NOL4: variants seen among roughly 807,000 people sequenced by gnomAD.
NOL4 encodes the protein cancer/testis antigen 125.
In NOL4, 17 loss-of-function variants were observed where a neutral mutation model predicts 75.9. The observed-to-expected ratio is 0.22, with a 90% CI of 0.15 to 0.34. NOL4 has a LOEUF of 0.34. Ranked by LOEUF, NOL4 falls within the 10% of genes least tolerant of loss-of-function variation. The pLI, the probability that NOL4 is intolerant of heterozygous loss-of-function variation, is 1.00. For missense variants in NOL4, 614 were observed against 793.5 expected, an observed-to-expected ratio of 0.77 and a Z score of 2.72; for synonymous variants, 292 against 289.9, an observed-to-expected ratio of 1.01 and a Z score of -0.07.
chr18:34,179,514 TG>T (rs1166944739), intron 1 of NOL4, among the ~76,000 whole-genome samples: 1 of 151,018 alleles, frequency 6.6e-6, no homozygotes, highest in Admixed American at 6.6e-5. Flanking sequence ...ACTAAAAGAA[TG>T]AAAAAAAAGT....
chr18:33,962,326 C>A (rs993304789), intron 6 of NOL4, among the ~76,000 whole-genome samples: 1 of 152,166 alleles, frequency 6.6e-6, no homozygotes, highest in Non-Finnish European at 1.5e-5. Flanking sequence ...GCCAGATTAA[C>A]AATATAGATT....
At chr18:34,177,088 T>C (rs1416596662) in intron 1 of NOL4, among the ~76,000 whole-genome samples, 1 of 151,988 alleles carries the variant, frequency 6.6e-6, no homozygotes, top group Non-Finnish European at 1.5e-5. Context: ...ATGTCAAACC[T>C]ACTGGCATAC....
chr18:33,958,293 C>G lies in NOL4; in HGVS notation c.1182G>C (p.Ser394=), dbSNP rs770008742. 2.4e-5 allele frequency: 39 copies of G among 1,613,770 alleles called. No individual in the cohort carries two copies. The highest frequency in any genetic ancestry group is 3.3e-5 in the Non-Finnish European group (39 of 1,179,766). ...DEDDHEDHDD[S]EKVNETDGVE... ...CGCCGTCTGTCTCATTAACTTTCTC[C>G]GAATCGTCATGGTCCTCGTGGTCAT... The change falls in exon 7 of 11, where the codon TCG becomes TCC. Residue 394 remains serine (S), a synonymous_variant. Transcript: ENST00000261592.
At chr18:33,877,630 G>A (rs753430198) in intron 10 of NOL4, among the ~76,000 whole-genome samples, 1 of 151,908 alleles carries the variant, frequency 6.6e-6, no homozygotes, top group Non-Finnish European at 1.5e-5. Flanking sequence ...TGATAGGAAA[G>A]TTTTTGGGGA....
chr18:34,124,212 C>A (rs2080280403), intron 2 of NOL4, among the ~76,000 whole-genome samples: 1 of 152,078 alleles, frequency 6.6e-6, no homozygotes, highest in South Asian at 2.1e-4. Context: ...AGTTCTAAGC[C>A]TGATAGAGAT....
chr18:33,893,629 G>A (rs2065226477), intron 9 of NOL4, among the ~76,000 whole-genome samples: 1 of 152,090 alleles, frequency 6.6e-6, no homozygotes, highest in African/African-American at 2.4e-5. Flanking sequence ...ACCATCGAAT[G>A]AATGTTTTTA....
intron 4 of NOL4, among the ~76,000 whole-genome samples, chr18:34,094,978 G>A (rs761213686): frequency 2.0e-5 from 3 of 152,098 alleles, no homozygotes; most frequent in Non-Finnish European, 4.4e-5. Flanking sequence ...ATCAGCAAAG[G>A]AGTTTCTATT....
intron 8 of NOL4, among the ~76,000 whole-genome samples, chr18:33,950,037 T>A (rs901541711): frequency 6.6e-6 from 1 of 151,848 alleles, no homozygotes; most frequent in Non-Finnish European, 1.5e-5. Flanking sequence ...AGTTGAGTGT[T>A]ATATAAACTT....
At chr18:34,072,117 G>A (rs956155927) in intron 5 of NOL4, among the ~76,000 whole-genome samples, 5 of 152,042 alleles carry the variant, frequency 3.3e-5, no homozygotes, top group African/African-American at 4.8e-5. Context: ...TGTAATCCCA[G>A]CTACTCAGGA....
In NOL4 at chr18:34,138,810, G is replaced by T. The variant is rs1202001392; in HGVS notation, c.265-8790C>A. 2.0e-5 allele frequency among the ~76,000 whole-genome samples: 3 copies of T among 151,984 alleles called. No homozygotes were observed. In the East Asian group the frequency reaches 5.8e-4, roughly 29 times the overall value. On this transcript the variant is annotated intron_variant, in intron 1 of 10. Transcript: ENST00000261592. ...CCCATTCAGTATCATATTGGCTGTG[G>T]GTTTGTCATAAATAGCTCTTATTAT...
chr18:34,038,184 CAATG>C (rs1474883567), intron 5 of NOL4, among the ~76,000 whole-genome samples: 1 of 152,024 alleles, frequency 6.6e-6, no homozygotes, highest in Non-Finnish European at 1.5e-5. Context: ...ATCAAAACCA[CAATG>C]AGAGATCATC....
At chr18:34,145,117 G>T (rs1384218430) in intron 1 of NOL4, among the ~76,000 whole-genome samples, 1 of 151,982 alleles carries the variant, frequency 6.6e-6, no homozygotes, top group Non-Finnish European at 1.5e-5. Flanking sequence ...GATTGAAACA[G>T]GATAGTTTGC....
At chr18:34,196,047 A>G (rs145937093) in intron 1 of NOL4, among the ~76,000 whole-genome samples, 166 of 152,202 alleles carry the variant, frequency 1.1e-3, no homozygotes, top group African/African-American at 3.7e-3. Flanking sequence ...TCATTTTCTG[A>G]CCAAAAAAAA....
At chr18:33,966,644 C>T (rs370394613) in intron 6 of NOL4, among the ~76,000 whole-genome samples, 54 of 152,076 alleles carry the variant, frequency 3.6e-4, no homozygotes, top group African/African-American at 1.3e-3. Context: ...TTTTTACACA[C>T]CAAGAATGTT....
chr18:33,861,961 A>C (rs1259173295), intron 10 of NOL4, among the ~76,000 whole-genome samples: 1 of 152,200 alleles, frequency 6.6e-6, no homozygotes, highest in Admixed American at 6.5e-5. Context: ...CACATCGCCA[A>C]GTCAAACCTA....
At chr18:33,909,876 G>GA (rs1157269585) in intron 9 of NOL4, among the ~76,000 whole-genome samples, 3 of 151,880 alleles carry the variant, frequency 2.0e-5, no homozygotes, top group African/African-American at 2.4e-5. Context: ...CATTAATAAT[G>GA]AAAAAAATGG....
At chr18:33,968,638 G>A (rs1252224442) in intron 6 of NOL4, among the ~76,000 whole-genome samples, 2 of 151,956 alleles carry the variant, frequency 1.3e-5, no homozygotes, top group East Asian at 3.9e-4. Context: ...GAGGAAGGAG[G>A]GTAGTGGGGA....
At chr18:34,073,014 G>A (rs2077588249) in intron 5 of NOL4, among the ~76,000 whole-genome samples, 1 of 151,984 alleles carries the variant, frequency 6.6e-6, no homozygotes, top group Non-Finnish European at 1.5e-5. Flanking sequence ...TAAATAGCCA[G>A]GGACAAAACA....
intron 9 of NOL4, among the ~76,000 whole-genome samples, chr18:33,939,014 C>G (rs1319158385): frequency 1.3e-5 from 2 of 152,102 alleles, no homozygotes; most frequent in Non-Finnish European, 2.9e-5. Context: ...GTTTTCCCAA[C>G]ACCGTTTATT....
Sources: gnomAD v4.1 joint callset for allele counts (sites outside exome capture counted in the v4.1 genomes callset) on GRCh38, gnomAD v4.1.1 for gene constraint, MANE v1.5 for transcripts, NCBI Gene and HGNC (gene_info 2026-07-23, HGNC 2026-07-21) for gene names.